The following CD226 variants were observed in gnomAD, a reference collection of about 807,000 sequenced individuals.
CD226 encodes the protein CD226 molecule.
Under a neutral mutation model 34.9 loss-of-function variants are expected in CD226, and 24 were observed. That is an observed-to-expected ratio of 0.69 (90% CI 0.50 to 0.97). The LOEUF (loss-of-function observed/expected upper bound fraction) is 0.97. Among genes scored for constraint, CD226 ranks in the 50% least tolerant of loss-of-function variants. The pLI is 0.00. For synonymous variants in CD226, 148 were observed against 147.4 expected (o/e 1.00, Z -0.03); for missense variants, 397 against 412.7 (o/e 0.96, Z 0.33).
chr18:69,921,170 G>A (rs894016004), intron 2 of CD226, among the ~76,000 whole-genome samples: 3 of 152,066 alleles, frequency 2.0e-5, no homozygotes, highest in African/African-American at 7.2e-5. Flanking sequence ...ACTCATGCAA[G>A]TATAATCTCT....
chr18:69,919,646 A>C (rs1004251147), intron 2 of CD226, among the ~76,000 whole-genome samples: 2 of 152,230 alleles, frequency 1.3e-5, no homozygotes, highest in African/African-American at 4.8e-5. Context: ...CACCAGGCAA[A>C]GCACATTTTC....
At chr18:69,956,354 A>C (rs896125920) in intron 1 of CD226, among the ~76,000 whole-genome samples, 10 of 152,246 alleles carry the variant, frequency 6.6e-5, no homozygotes, top group Non-Finnish European at 1.0e-4. Context: ...GTAGGATAAT[A>C]AATCTTTGGA....
At chr18:69,942,913 G>T (rs1170444561) in intron 2 of CD226, among the ~76,000 whole-genome samples, 2 of 152,060 alleles carry the variant, frequency 1.3e-5, no homozygotes, top group Non-Finnish European at 2.9e-5. Flanking sequence ...CCAGACCCCG[G>T]CCTCTCTAAT....
At chr18:69,881,743 G>A (rs910880040) in intron 3 of CD226, among the ~76,000 whole-genome samples, 5 of 152,030 alleles carry the variant, frequency 3.3e-5, no homozygotes, top group African/African-American at 7.3e-5. Context: ...AGCTAGACTC[G>A]CCTTCCTGGG....
intron 2 of CD226, among the ~76,000 whole-genome samples, chr18:69,928,558 G>A (rs962525266): frequency 3.9e-5 from 6 of 152,212 alleles, no homozygotes; most frequent in Admixed American, 3.3e-4. Context: ...TTCCTTAGCT[G>A]AAGAATGAGT....
At chr18:69,934,336 AT>A (rs1287156826) in intron 2 of CD226, among the ~76,000 whole-genome samples, 5 of 151,726 alleles carry the variant, frequency 3.3e-5, no homozygotes, top group Non-Finnish European at 1.5e-5. Flanking sequence ...TCACTAAGCA[AT>A]TCTGGAAATA....
chr18:69,915,977 T>G (rs1382196756), intron 2 of CD226, among the ~76,000 whole-genome samples: 1 of 152,218 alleles, frequency 6.6e-6, no homozygotes, highest in Non-Finnish European at 1.5e-5. Flanking sequence ...TGAGGTTTAT[T>G]GCAGTTGTGC....
At chr18:69,951,846 G>A (rs988319682), upstream of CD226, among the ~76,000 whole-genome samples, 4 of 152,118 alleles carry the variant, frequency 2.6e-5, no homozygotes, top group East Asian at 1.9e-4. Flanking sequence ...TTAGTACAAC[G>A]TCTATGGAAA....
intron 4 of CD226, 118 bp downstream of exon 4, chr18:69,873,026 A>G: frequency 1.4e-6 from 1 of 697,332 alleles, no homozygotes; most frequent in Admixed American, 2.2e-5. Flanking sequence ...CCTTTGTGTT[A>G]GAACAGTACT....
At position 69,864,252 on chromosome 18, in the gene CD226, C is replaced by T. The variant is rs1740509185; in HGVS notation, c.*62G>A. The T allele has an allele frequency of 6.4e-7, 1 of 1,555,710 alleles. No homozygotes were observed. Among genetic ancestry groups the T allele is most frequent in the Non-Finnish European group, 8.8e-7 (1 of 1,137,004 alleles). On this transcript the variant is annotated 3_prime_UTR_variant, in exon 6 of 6. Transcript: ENST00000582621. ...GACCTTGGGTAGTGGAAAAAAATTG[C>T]ATAAAGATCCATGCATGAGTACATA... is the stretch of plus-strand genomic sequence containing the variant.
chr18:69,942,165 C>A (rs577817392), intron 2 of CD226, among the ~76,000 whole-genome samples: 72 of 152,286 alleles, frequency 4.7e-4, no homozygotes, highest in African/African-American at 1.6e-3. Context: ...TATAAATTAC[C>A]CAGTCTTAAG....
At chr18:69,956,283 C>A (rs1038628877) in intron 1 of CD226, among the ~76,000 whole-genome samples, 18 of 152,242 alleles carry the variant, frequency 1.2e-4, no homozygotes, top group African/African-American at 4.1e-4. Context: ...CACCACACGG[C>A]CCACAAAGCT....
At chr18:69,903,873 A>T (rs1011708783) in intron 2 of CD226, among the ~76,000 whole-genome samples, 1 of 152,128 alleles carries the variant, frequency 6.6e-6, no homozygotes, top group African/African-American at 2.4e-5. Flanking sequence ...TTTTGGTATC[A>T]TGTGCCAGCA....
chr18:69,930,494 C>A (rs578147672), intron 2 of CD226, among the ~76,000 whole-genome samples: 2 of 147,922 alleles, frequency 1.4e-5, no homozygotes, highest in Admixed American at 1.4e-4. Flanking sequence ...GACGTGGAAG[C>A]CACTTCTGCC....
At chr18:69,931,124 A>G (rs920464293) in intron 2 of CD226, among the ~76,000 whole-genome samples, 5 of 152,184 alleles carry the variant, frequency 3.3e-5, no homozygotes, top group Non-Finnish European at 7.4e-5. Flanking sequence ...TCAGCAAACT[A>G]TCACAAAGAC....
At chr18:69,934,641 C>T (rs1043489784) in intron 2 of CD226, among the ~76,000 whole-genome samples, 3 of 152,102 alleles carry the variant, frequency 2.0e-5, no homozygotes, top group African/African-American at 4.8e-5. Context: ...TGAAACATGG[C>T]TCTTTCTCTC....
At chr18:69,924,269 A>C (rs550413004) in intron 2 of CD226, among the ~76,000 whole-genome samples, 2 of 152,180 alleles carry the variant, frequency 1.3e-5, no homozygotes, top group African/African-American at 4.8e-5. Context: ...GACACACTAC[A>C]TTTGTACTAC....
chr18:69,952,287 G>A (rs1315276250), upstream of CD226, among the ~76,000 whole-genome samples: 1 of 152,210 alleles, frequency 6.6e-6, no homozygotes, highest in East Asian at 1.9e-4. Flanking sequence ...TGGGAGAGTA[G>A]AAAGGGGTGA....
intron 2 of CD226, among the ~76,000 whole-genome samples, chr18:69,900,672 C>T (rs2055168099): frequency 6.9e-6 from 1 of 144,786 alleles, no homozygotes; most frequent in Non-Finnish European, 1.5e-5. Context: ...GCGGAGCTTG[C>T]AGTGAGCCGA....
Sources: gnomAD v4.1 joint callset for allele counts (sites outside exome capture counted in the v4.1 genomes callset) on GRCh38, gnomAD v4.1.1 for gene constraint, MANE v1.5 for transcripts, NCBI Gene and HGNC (gene_info 2026-07-23, HGNC 2026-07-21) for gene names.